Variants in NKAIN2 observed in about 807,000 individuals in gnomAD.
The protein encoded by NKAIN2 is sodium/potassium-transporting ATPase subunit beta-1-interacting protein 2.
Under a neutral mutation model 32.6 loss-of-function variants are expected in NKAIN2, and 14 were observed. That is an observed-to-expected ratio of 0.43 (90% CI 0.28 to 0.67). The LOEUF (loss-of-function observed/expected upper bound fraction) is 0.67, where lower values mean the gene tolerates loss of function less well. Among genes scored for constraint, NKAIN2 ranks in the 30% least tolerant of loss-of-function variants. NKAIN2 has a pLI of 0.17. For missense variants in NKAIN2, 198 were observed against 258.3 expected, an observed-to-expected ratio of 0.77 and a Z score of 1.60; for synonymous variants, 80 against 87.2, an observed-to-expected ratio of 0.92 and a Z score of 0.46.
intron 3 of NKAIN2, among the ~76,000 whole-genome samples, chr6:124,547,999 A>G (rs1780156781): frequency 6.6e-6 from 1 of 152,136 alleles, no homozygotes; most frequent in Admixed American, 6.5e-5. Flanking sequence ...TATGTCTCGG[A>G]TTCAGTATTA....
chr6:124,405,331 C>G (rs1773802788), intron 3 of NKAIN2, among the ~76,000 whole-genome samples: 1 of 151,996 alleles, frequency 6.6e-6, no homozygotes, highest in African/African-American at 2.4e-5. Flanking sequence ...GGATAATTAC[C>G]ATGAGTCTAA....
intron 4 of NKAIN2, among the ~76,000 whole-genome samples, chr6:124,679,019 G>C (rs993882034): frequency 6.6e-6 from 1 of 151,814 alleles, no homozygotes; most frequent in South Asian, 2.1e-4. Flanking sequence ...AAGTACCAAA[G>C]GTTCTCCGGA....
chr6:124,501,907 T>C (rs1778306788), intron 3 of NKAIN2, among the ~76,000 whole-genome samples: 1 of 151,938 alleles, frequency 6.6e-6, no homozygotes, highest in Non-Finnish European at 1.5e-5. Context: ...ATTTTCACAA[T>C]GTATGAAGAT....
chr6:124,253,494 A>G (rs554263483), intron 1 of NKAIN2, among the ~76,000 whole-genome samples: 2 of 152,322 alleles, frequency 1.3e-5, no homozygotes, highest in East Asian at 3.9e-4. Flanking sequence ...AGTCTCTGCC[A>G]AAATAAAGCA....
intron 5 of NKAIN2, among the ~76,000 whole-genome samples, chr6:124,800,050 C>T (rs1780180458): frequency 6.6e-6 from 1 of 152,156 alleles, no homozygotes; most frequent in Admixed American, 6.5e-5. Context: ...CATCTCCAAA[C>T]AACAAATGAG....
chr6:124,755,142 T>G (rs1197388498), intron 4 of NKAIN2, among the ~76,000 whole-genome samples: 1 of 152,124 alleles, frequency 6.6e-6, no homozygotes, highest in East Asian at 1.9e-4. Flanking sequence ...GCCTTCGGAC[T>G]GTAGCTGAAG....
rs1038715797 is a variant in NKAIN2 at position 124,027,434 on chromosome 6, C to T, written c.54+223180C>T. 2.5e-4 allele frequency among the ~76,000 whole-genome samples: 38 copies of T among 152,140 alleles called. 1 individual carries two copies. Among genetic ancestry groups the T allele is most frequent in the Non-Finnish European group, 4.4e-5 (3 of 68,028 alleles). ...GGGTGGGATTACAGGCGTGAGCCAC[C>T]GCGCCCAGCCAATTATCACTCATAT... On this transcript the variant is annotated intron_variant, in intron 1 of 6. Coordinates refer to ENST00000368417, the MANE Select transcript of NKAIN2 (RefSeq NM_001040214.3).
chr6:123,872,443 G>C (rs1772941288), intron 1 of NKAIN2, among the ~76,000 whole-genome samples: 1 of 152,210 alleles, frequency 6.6e-6, no homozygotes, highest in Admixed American at 6.5e-5. Context: ...AGGCTCCCAG[G>C]GGTCTGGGGC....
chr6:124,250,414 A>G lies in NKAIN2; in HGVS notation c.55-32591A>G, dbSNP rs546778054. Reference sequence around the variant, plus strand: ...CAACTAGGCATACCATAATAAAACTATGGACTCCAAATACAAAGGGAAGAT... The same window carrying G: ...CAACTAGGCATACCATAATAAAACTGTGGACTCCAAATACAAAGGGAAGAT... On this transcript the variant is annotated intron_variant, in intron 1 of 6. Transcript: ENST00000368417. Among the ~76,000 whole-genome samples, 19 of 152,184 alleles carry G rather than the reference A, an allele frequency of 1.2e-4. No individual in the cohort carries two copies. The East Asian group carries it at 2.9e-3, about 23-fold the overall frequency.
At chr6:124,037,866 G>A (rs1222119989) in intron 1 of NKAIN2, among the ~76,000 whole-genome samples, 2 of 152,132 alleles carry the variant, frequency 1.3e-5, no homozygotes, top group African/African-American at 4.8e-5. Flanking sequence ...AAGCGGAAAG[G>A]TAGTATAAGA....
At chr6:124,460,104 C>T (rs1238117844) in intron 3 of NKAIN2, among the ~76,000 whole-genome samples, 2 of 151,658 alleles carry the variant, frequency 1.3e-5, no homozygotes, top group Non-Finnish European at 3.0e-5. Flanking sequence ...AGATCAAAAT[C>T]ACTACATTAC....
intron 1 of NKAIN2, among the ~76,000 whole-genome samples, chr6:124,163,380 G>A (rs1788372882): frequency 6.6e-6 from 1 of 151,676 alleles, no homozygotes; most frequent in African/African-American, 2.4e-5. Context: ...TTTTGCAAAA[G>A]GCCAACAAGA....
chr6:124,662,549 G>A (rs962731445), intron 4 of NKAIN2, among the ~76,000 whole-genome samples: 3 of 152,112 alleles, frequency 2.0e-5, no homozygotes, highest in Admixed American at 2.0e-4. Flanking sequence ...AACAGATTGA[G>A]GAAAAAAATG....
At chr6:123,965,362 A>G (rs879039939) in intron 1 of NKAIN2, among the ~76,000 whole-genome samples, 3 of 152,318 alleles carry the variant, frequency 2.0e-5, no homozygotes, top group African/African-American at 7.2e-5. Context: ...TAGAGCATTT[A>G]GAGATCAAGT....
chr6:124,148,833 A>C (rs1430251704), intron 1 of NKAIN2, among the ~76,000 whole-genome samples: 1 of 152,198 alleles, frequency 6.6e-6, no homozygotes, highest in African/African-American at 2.4e-5. Context: ...TATAACTAGG[A>C]TGAGATTGCT....
At chr6:124,334,729 TC>T (rs1405804195) in intron 2 of NKAIN2, among the ~76,000 whole-genome samples, 1 of 87,964 alleles carries the variant, frequency 1.1e-5, no homozygotes, top group African/African-American at 4.9e-5. Context: ...GCTGCATGAC[TC>T]CTCGCCAGAA....
intron 2 of NKAIN2, among the ~76,000 whole-genome samples, chr6:124,289,290 G>A (rs1277985413): frequency 6.6e-6 from 1 of 152,120 alleles, no homozygotes; most frequent in Non-Finnish European, 1.5e-5. Flanking sequence ...ACATATGGTA[G>A]TTGGTGGCTG....
chr6:124,810,461 C>G (rs1003229759), intron 5 of NKAIN2, among the ~76,000 whole-genome samples: 3 of 151,808 alleles, frequency 2.0e-5, no homozygotes, highest in African/African-American at 4.8e-5. Flanking sequence ...GGAAGGGGAA[C>G]ATCACACTCT....
intron 3 of NKAIN2, among the ~76,000 whole-genome samples, chr6:124,371,524 T>G (rs997553227): frequency 6.6e-6 from 1 of 151,784 alleles, no homozygotes; most frequent in Non-Finnish European, 1.5e-5. Flanking sequence ...AAACCCCGTC[T>G]CTACTAAAAA....
Sources: allele counts gnomAD v4.1 joint callset (sites outside exome capture counted in the v4.1 genomes callset), GRCh38; gene constraint gnomAD v4.1.1; transcripts MANE v1.5; gene names NCBI Gene and HGNC (gene_info 2026-07-23, HGNC 2026-07-21).